DNAJC1: variants seen among roughly 807,000 people sequenced by gnomAD.
The protein encoded by DNAJC1 is dnaJ homolog subfamily C member 1.
DNAJC1 carries 58 observed loss-of-function variants against 76.6 expected under a neutral mutation model. That is an observed-to-expected ratio of 0.76 (90% CI 0.61 to 0.94). DNAJC1 has a LOEUF of 0.94. Ranked by LOEUF, DNAJC1 falls within the 40% of genes least tolerant of loss-of-function variation. The pLI is 0.00. For synonymous variants in DNAJC1, 258 were observed against 267.9 expected, an observed-to-expected ratio of 0.96 and a Z score of 0.36; for missense variants, 689 against 677.3, an observed-to-expected ratio of 1.02 and a Z score of -0.19.
rs190706766 is a variant in DNAJC1 at position 21,810,256 on chromosome 10, A to C, written c.979-4157T>G. 2.2e-3 allele frequency among the ~76,000 whole-genome samples: 340 copies of C among 152,314 alleles called. 3 individuals are homozygous for C. The highest frequency in any genetic ancestry group is 7.8e-3 in the African/African-American group (324 of 41,576). On this transcript the variant is annotated intron_variant, in intron 8 of 11. Coordinates refer to ENST00000376980, the MANE Select transcript of DNAJC1 (RefSeq NM_022365.4). Reference sequence around the variant, plus strand: ...TGAATTTATACAATACATAGATAAAAGGGCAGGAATTGGCTTTTGTCCCTC... The same window carrying C: ...TGAATTTATACAATACATAGATAAACGGGCAGGAATTGGCTTTTGTCCCTC...
intron 9 of DNAJC1, 132 bp downstream of exon 9, chr10:21,805,848 C>T: frequency 1.8e-6 from 2 of 1,136,442 alleles, no homozygotes; most frequent in Non-Finnish European, 1.3e-6. Flanking sequence ...ATTAATGGTT[C>T]ACTTTCAGGT....
intron 1 of DNAJC1, among the ~76,000 whole-genome samples, chr10:21,944,949 GA>G (rs1423177977): frequency 2.0e-5 from 3 of 152,168 alleles, no homozygotes; most frequent in African/African-American, 7.2e-5. Context: ...AGAAGACAAT[GA>G]ACTTGCCAAG....
chr10:21,774,427 T>C (rs940466626), intron 9 of DNAJC1, among the ~76,000 whole-genome samples: 1 of 152,178 alleles, frequency 6.6e-6, no homozygotes, highest in African/African-American at 2.4e-5. Context: ...CTTAAAGTCA[T>C]GCTACAGCCT....
chr10:21,811,642 C>G (rs1834967846), intron 8 of DNAJC1, among the ~76,000 whole-genome samples: 2 of 152,190 alleles, frequency 1.3e-5, no homozygotes, highest in Admixed American at 6.5e-5. Context: ...AGCAAATATT[C>G]TCAACACATA....
intron 9 of DNAJC1, among the ~76,000 whole-genome samples, chr10:21,770,285 T>C (rs143819437): frequency 2.0e-5 from 3 of 152,334 alleles, no homozygotes; most frequent in East Asian, 1.9e-4. Flanking sequence ...CATGTGTTTA[T>C]TGGACATCTG....
intron 1 of DNAJC1, among the ~76,000 whole-genome samples, chr10:21,974,688 G>A (rs1017572319): frequency 1.3e-5 from 2 of 152,096 alleles, no homozygotes; most frequent in South Asian, 2.1e-4. Context: ...GGAAAACACT[G>A]CTCTAAAAAC....
chr10:21,757,929 G>C (rs771926497), intron 11 of DNAJC1, among the ~76,000 whole-genome samples: 2 of 152,192 alleles, frequency 1.3e-5, no homozygotes, highest in African/African-American at 4.8e-5. Context: ...CCAAGCTCCA[G>C]CCCCTTCGTT....
intron 8 of DNAJC1, among the ~76,000 whole-genome samples, chr10:21,813,214 CTCTCTCTATA>C (rs1202395872): frequency 8.9e-3 from 380 of 42,522 alleles, no homozygotes; most frequent in Non-Finnish European, 0.012. Flanking sequence ...CTCTCTCTCT[CTCTCTCTATA>C]TATATATATA....
intron 9 of DNAJC1, among the ~76,000 whole-genome samples, chr10:21,781,183 C>G (rs893710853): frequency 6.6e-6 from 1 of 152,240 alleles, no homozygotes; most frequent in South Asian, 2.1e-4. Context: ...TTAGACAGAT[C>G]AAAGAGACAG....
Position 21,904,605 on chromosome 10 carries a change from C to G in DNAJC1, c.737G>C (p.Gly246Ala). 1 of 1,596,328 alleles carries G rather than the reference C, an allele frequency of 6.3e-7. No individual in the cohort carries two copies. Among genetic ancestry groups the G allele is most frequent in the Non-Finnish European group, 8.5e-7 (1 of 1,170,870 alleles). The change falls in exon 7 of 12, where the codon GGG (glycine) becomes GCG (alanine). Residue 246 changes from glycine (G) to alanine (A), a missense_variant. By Grantham distance (60) the Gly-to-Ala change is moderately conservative. Coordinates refer to ENST00000376980, the MANE Select transcript of DNAJC1 (RefSeq NM_022365.4). The stretch of plus-strand genomic sequence containing the variant: ...TTCTTTATATTTAGCATAAAACTGC[C>G]CAGCATCCTTAAGAAAAAAAGTTAT... ...KALPHLIQDAGQFYAKYKETR... is the reference protein window; with the variant it reads ...KALPHLIQDAAQFYAKYKETR...
At chr10:21,842,751 TC>T (rs1487894147) in intron 8 of DNAJC1, among the ~76,000 whole-genome samples, 1 of 152,194 alleles carries the variant, frequency 6.6e-6, no homozygotes, top group Non-Finnish European at 1.5e-5. Flanking sequence ...ACCTCTGCCT[TC>T]CCATAATTAA....
At chr10:21,952,626 G>A (rs916164149) in intron 1 of DNAJC1, among the ~76,000 whole-genome samples, 4 of 152,176 alleles carry the variant, frequency 2.6e-5, no homozygotes, top group African/African-American at 9.7e-5. Context: ...AGGCATAGTG[G>A]CGTGCGCCTG....
chr10:21,982,274 C>T (rs944863266), intron 1 of DNAJC1, among the ~76,000 whole-genome samples: 3 of 151,954 alleles, frequency 2.0e-5, no homozygotes, highest in Non-Finnish European at 4.4e-5. Context: ...CAAGGACTAA[C>T]ATAGGAGTTA....
chr10:21,971,111 C>T (rs1837970025), intron 1 of DNAJC1, among the ~76,000 whole-genome samples: 1 of 151,354 alleles, frequency 6.6e-6, no homozygotes, highest in Non-Finnish European at 1.5e-5. Flanking sequence ...TTTAGTTTTT[C>T]CTGATATGAC....
chr10:21,972,483 G>C (rs1449899789), intron 1 of DNAJC1, among the ~76,000 whole-genome samples: 2 of 151,924 alleles, frequency 1.3e-5, no homozygotes, highest in East Asian at 1.9e-4. Context: ...AAAATTAGCA[G>C]CAGCTTTATC....
intron 1 of DNAJC1, among the ~76,000 whole-genome samples, chr10:21,940,098 T>C (rs1837381604): frequency 6.6e-6 from 1 of 152,096 alleles, no homozygotes; most frequent in African/African-American, 2.4e-5. Flanking sequence ...CTTGGATTCA[T>C]CACAGTATCT....
At chr10:22,001,035 A>G (rs890790088) in intron 1 of DNAJC1, among the ~76,000 whole-genome samples, 1 of 152,222 alleles carries the variant, frequency 6.6e-6, no homozygotes, top group African/African-American at 2.4e-5. Flanking sequence ...ATTTATATTT[A>G]CTTACTTGGC....
At chr10:21,796,566 T>C (rs1834752298) in intron 9 of DNAJC1, among the ~76,000 whole-genome samples, 1 of 152,350 alleles carries the variant, frequency 6.6e-6, no homozygotes, top group African/African-American at 2.4e-5. Flanking sequence ...CCAGCAACAG[T>C]GTACAAGGGT....
chr10:21,903,388 GTAAT>G (rs1248186908), intron 7 of DNAJC1, among the ~76,000 whole-genome samples: 1 of 152,114 alleles, frequency 6.6e-6, no homozygotes, highest in Non-Finnish European at 1.5e-5. Context: ...ACCTTGGCAT[GTAAT>G]AATCCTCTAT....
Sources: allele counts gnomAD v4.1 joint callset (sites outside exome capture counted in the v4.1 genomes callset), GRCh38; gene constraint gnomAD v4.1.1; transcripts MANE v1.5; gene names NCBI Gene and HGNC (gene_info 2026-07-23, HGNC 2026-07-21).